ABCG8: variants seen among roughly 807,000 people sequenced by gnomAD.
The protein encoded by ABCG8 is ATP binding cassette subfamily G member 8.
ABCG8 carries 81 observed loss-of-function variants against 71.3 expected under a neutral mutation model. The ratio of observed to expected loss-of-function variants is 1.14; its 90% CI spans 0.95 to 1.37. The LOEUF (loss-of-function observed/expected upper bound fraction) is 1.37. Ranked by LOEUF, ABCG8 falls within the 40% of genes most tolerant of loss-of-function variation. The pLI is 0.00. For missense variants in ABCG8, 1,119 were observed against 866.2 expected, an observed-to-expected ratio of 1.29 and a Z score of -3.66; for synonymous variants, 451 against 354.7, an observed-to-expected ratio of 1.27 and a Z score of -3.05.
Position 43,878,026 on chromosome 2 carries a change from C to T in ABCG8, c.*113C>T, listed in dbSNP as rs1558865578. On this transcript the variant is annotated 3_prime_UTR_variant, in exon 13 of 13. Transcript: ENST00000272286. ...TGAGGACAATGACCCTACAGATGCTCAGCTACATCCGGCCCAGGGTGCTGC... is the reference window on the plus strand; with the variant it reads ...TGAGGACAATGACCCTACAGATGCTTAGCTACATCCGGCCCAGGGTGCTGC... The T allele has an allele frequency of 6.7e-7, 1 of 1,497,830 alleles. No individual in the cohort carries two copies. Among genetic ancestry groups the T allele is most frequent in the Non-Finnish European group, 9.1e-7 (1 of 1,093,168 alleles). 92.8% of individuals were successfully genotyped at this position (1,497,830 alleles called of 1,614,324 possible). A position where few individuals can be genotyped will look rare whatever the true frequency, so the allele number is the denominator to read the frequency against.
intron 6 of ABCG8, among the ~76,000 whole-genome samples, chr2:43,856,076 C>T (rs1486367379): frequency 6.6e-6 from 1 of 151,934 alleles, no homozygotes; most frequent in African/African-American, 2.4e-5. Flanking sequence ...AATTCTCACC[C>T]TCTGGATACA....
rs1349448632 is a variant in ABCG8, at chr2:43,878,006, A to G, written c.*93A>G. On this transcript the variant is annotated 3_prime_UTR_variant, in exon 13 of 13. Transcript: ENST00000272286. The stretch of plus-strand genomic sequence containing the variant: ...GAGCCCCTTCCTGGGGACAGTGAGG[A>G]CAATGACCCTACAGATGCTCAGCTA... The G allele has an allele frequency of 6.4e-6, 10 of 1,573,762 alleles. No homozygotes were observed. The Admixed American group carries it at 1.7e-4, about 27-fold the overall frequency.
intron 6 of ABCG8, among the ~76,000 whole-genome samples, chr2:43,853,764 C>T (rs868347073): frequency 2.0e-5 from 3 of 152,220 alleles, no homozygotes; most frequent in Non-Finnish European, 4.4e-5. Context: ...AGCTAAACAC[C>T]TGTTCCAGCA....
chr2:43,882,835 C>T lies in ABCG8; in HGVS notation c.*4922C>T, dbSNP rs1490999272. 6.6e-6 allele frequency: 1 copy of T among 152,180 alleles called. No homozygotes were observed. Among genetic ancestry groups the T allele is most frequent in the Non-Finnish European group, 1.5e-5 (1 of 68,050 alleles). The allele number at this position is 152,180 out of a possible 1,614,324, so 9.4% of individuals were successfully genotyped here. A position where few individuals can be genotyped will look rare whatever the true frequency, so the allele number is the denominator to read the frequency against. On this transcript the variant is annotated 3_prime_UTR_variant, in exon 13 of 13. Coordinates refer to ENST00000272286, the MANE Select transcript of ABCG8 (RefSeq NM_022437.3). ...GTGGGTTGAGATTTTTAAACACAAA[C>T]CAACTCAAAAACACTTCTCTGCTTT...
intron 3 of ABCG8, among the ~76,000 whole-genome samples, chr2:43,851,023 A>G (rs13390041): frequency 0.43 from 65,784 of 152,032 alleles, 15,052 homozygotes; most frequent in East Asian, 0.85. Flanking sequence ...AATTGTTTCC[A>G]CTTCTATTAT....
In ABCG8 at chr2:43,852,473, C is replaced by G; in HGVS notation, c.681C>G (p.Leu227=). ...ERRRVSIGVQ[L]LWNPGILILD... is the part of the protein sequence containing the mutation. ...GGAGAGTCAGCATTGGGGTGCAGCTCCTGTGGAACCCAGGTGAGGGCCTGG... is the reference window on the plus strand; with the variant it reads ...GGAGAGTCAGCATTGGGGTGCAGCTGCTGTGGAACCCAGGTGAGGGCCTGG... Residue 227 remains leucine, a synonymous_variant, in exon 5 of 13, where the codon CTC becomes CTG. Transcript: ENST00000272286. The G allele has an allele frequency of 6.2e-7, 1 of 1,613,450 alleles. No homozygotes were observed. Among genetic ancestry groups the G allele is most frequent in the Non-Finnish European group, 8.5e-7 (1 of 1,179,940 alleles).
At chr2:43,856,337 T>C (rs1175155974) in intron 6 of ABCG8, among the ~76,000 whole-genome samples, 1 of 135,510 alleles carries the variant, frequency 7.4e-6, no homozygotes, top group African/African-American at 2.9e-5. Flanking sequence ...TCACTCCCTG[T>C]CTGGATAGAA....
chr2:43,857,476 T>G (rs953512938), intron 6 of ABCG8, among the ~76,000 whole-genome samples: 1 of 151,226 alleles, frequency 6.6e-6, no homozygotes, highest in African/African-American at 2.4e-5. Context: ...ACTCTCACTA[T>G]CTCTCTGGAT....
chr2:43,866,675 T>A lies in ABCG8; in HGVS notation c.965-5301T>A, dbSNP rs573999383. Among the ~76,000 whole-genome samples the A allele has an allele frequency of 3.3e-5, 5 of 152,104 alleles. No homozygotes were observed. In the East Asian group the frequency reaches 9.7e-4, roughly 29 times the overall value. ...CATCTCACACCAGTTAGAATGGCAA[T>A]CATTAAGAAGTCAGGAAACAACAGG... On this transcript the variant is annotated intron_variant, in intron 6 of 12. Coordinates refer to ENST00000272286, the MANE Select transcript of ABCG8 (RefSeq NM_022437.3).
intron 1 of ABCG8, among the ~76,000 whole-genome samples, chr2:43,839,851 G>C (rs1460421665): frequency 6.6e-6 from 1 of 152,200 alleles, no homozygotes; most frequent in Non-Finnish European, 1.5e-5. Flanking sequence ...GTGAGACAGG[G>C]TGACAGACGG....
chr2:43,839,596 T>C (rs1350667881), intron 1 of ABCG8, among the ~76,000 whole-genome samples: 1 of 151,852 alleles, frequency 6.6e-6, no homozygotes, highest in Admixed American at 6.6e-5. Flanking sequence ...CTGGCAAATT[T>C]TGTATTTTTT....
At chr2:43,862,783 C>T (rs1295690575) in intron 6 of ABCG8, among the ~76,000 whole-genome samples, 3 of 150,958 alleles carry the variant, frequency 2.0e-5, no homozygotes, top group African/African-American at 7.3e-5. Context: ...AGAACTCTCA[C>T]TATCTCTCTG....
intron 3 of ABCG8, among the ~76,000 whole-genome samples, chr2:43,850,823 T>C (rs1668889519): frequency 6.6e-6 from 1 of 151,670 alleles, no homozygotes; most frequent in Non-Finnish European, 1.5e-5. Context: ...GCAGGGAGAA[T>C]TGCTTGAACT....
At chr2:43,851,882 G>A (rs896110261) in intron 4 of ABCG8, 60 bp downstream of exon 4, 24 of 1,561,602 alleles carry the variant, frequency 1.5e-5, no homozygotes, top group South Asian at 5.6e-5. Flanking sequence ...TCCATGCCCC[G>A]CTCCTCCCCT....
intron 8 of ABCG8, among the ~76,000 whole-genome samples, chr2:43,873,571 C>A (rs1005884656): frequency 1.3e-5 from 2 of 152,102 alleles, no homozygotes; most frequent in Non-Finnish European, 2.9e-5. Flanking sequence ...CTGATACATT[C>A]ATGATAAAAG....
chr2:43,861,869 C>G (rs1305811186), intron 6 of ABCG8, among the ~76,000 whole-genome samples: 1 of 149,910 alleles, frequency 6.7e-6, no homozygotes, highest in African/African-American at 2.4e-5. Flanking sequence ...GAATTCTCAC[C>G]ATCTGCATTG....
At chr2:43,869,028 T>C (rs1160646416) in intron 6 of ABCG8, among the ~76,000 whole-genome samples, 2 of 152,092 alleles carry the variant, frequency 1.3e-5, no homozygotes, top group Non-Finnish European at 2.9e-5. Flanking sequence ...TCAATGCCTG[T>C]CTAGATAGAA....
chr2:43,882,145 T>A lies in ABCG8; in HGVS notation c.*4232T>A, dbSNP rs1413641202. The A allele has an allele frequency of 6.6e-6, 1 of 152,206 alleles. No individual in the cohort carries two copies. The highest frequency in any genetic ancestry group is 1.5e-5 in the Non-Finnish European group (1 of 68,044). 9.4% of individuals were successfully genotyped at this position (152,206 alleles called of 1,614,324 possible). On this transcript the variant is annotated 3_prime_UTR_variant, in exon 13 of 13. Transcript: ENST00000272286. Reference sequence around the variant, plus strand: ...AATCACCAATATTGGCTCAAATATTTCCTGATTTAAAAAAAAATCTGCTCT... The same window carrying A: ...AATCACCAATATTGGCTCAAATATTACCTGATTTAAAAAAAAATCTGCTCT...
At chr2:43,855,860 C>T (rs998939607) in intron 6 of ABCG8, among the ~76,000 whole-genome samples, 2 of 152,114 alleles carry the variant, frequency 1.3e-5, no homozygotes, top group Non-Finnish European at 2.9e-5. Context: ...ATAGAATTCT[C>T]ACTCACTGTA....
Sources: gnomAD v4.1 joint callset for allele counts (sites outside exome capture counted in the v4.1 genomes callset) on GRCh38, gnomAD v4.1.1 for gene constraint, MANE v1.5 for transcripts, NCBI Gene and HGNC (gene_info 2026-07-23, HGNC 2026-07-21) for gene names.